DOCK10: variants seen among roughly 807,000 people sequenced by gnomAD.
The protein encoded by DOCK10 is dedicator of cytokinesis protein 10.
A neutral mutation model predicts 280.1 loss-of-function variants in DOCK10; 145 were observed. That is an observed-to-expected ratio of 0.52 (90% CI 0.45 to 0.59). The LOEUF is 0.59. Among genes scored for constraint, DOCK10 ranks in the 20% least tolerant of loss-of-function variants. The probability of loss-of-function intolerance (pLI) is 0.00; values close to 1 mark genes in which losing one functional copy is unlikely to be tolerated. For missense variants in DOCK10, 2,368 were observed against 2,651.7 expected (o/e 0.89, Z 2.35); for synonymous variants, 915 against 942.2 (o/e 0.97, Z 0.53).
chr2:224,841,782 A>G (rs1462487471), intron 23 of DOCK10, 22 bp downstream of exon 23: 4 of 1,537,554 alleles, frequency 2.6e-6, no homozygotes, highest in Non-Finnish European at 3.6e-6. Context: ...AGATCACTGA[A>G]ACTGCTTGCA....
chr2:224,937,532 T>C (rs1274030695), intron 1 of DOCK10, among the ~76,000 whole-genome samples: 1 of 152,114 alleles, frequency 6.6e-6, no homozygotes, highest in Non-Finnish European at 1.5e-5. Flanking sequence ...AATAACACTC[T>C]GAAAATTAAT....
At chr2:224,818,093 G>T (rs1694258454) in intron 29 of DOCK10, among the ~76,000 whole-genome samples, 1 of 152,170 alleles carries the variant, frequency 6.6e-6, no homozygotes. Flanking sequence ...GGAGAAAATG[G>T]CTTCAGTTGA....
chr2:224,825,779 C>T (rs1018410815), intron 27 of DOCK10, among the ~76,000 whole-genome samples: 2 of 152,144 alleles, frequency 1.3e-5, no homozygotes, highest in Non-Finnish European at 2.9e-5. Context: ...TGGAAGAATT[C>T]CTGCACTGGA....
chr2:224,947,635 C>T (rs534411161), intron 1 of DOCK10, among the ~76,000 whole-genome samples: 1 of 152,258 alleles, frequency 6.6e-6, no homozygotes, highest in African/African-American at 2.4e-5. Flanking sequence ...AGAGTTAGTT[C>T]CCTCATCTTT....
At chr2:224,865,187 T>C in intron 11 of DOCK10, 100 bp from the exon 12 acceptor site, 1 of 1,160,950 alleles carries the variant, frequency 8.6e-7, no homozygotes, top group Non-Finnish European at 1.2e-6. Flanking sequence ...ATAAAATACA[T>C]GCAGCAGGCA....
Position 224,844,555 on chromosome 2 carries a change from G to A in DOCK10, c.2568+198C>T, listed in dbSNP as rs142656590. Among the ~76,000 whole-genome samples the A allele has an allele frequency of 2.6e-3, 400 of 152,298 alleles. 1 individual carries two copies. Among genetic ancestry groups the A allele is most frequent in the African/African-American group, 9.4e-3 (389 of 41,538 alleles). ...TTTGGTCTGAAGTTTTATGGTGTCT[G>A]GGCTTAAGGGATTAGGACATTCTAT... On this transcript the variant is annotated intron_variant, in intron 22 of 55. Transcript: ENST00000258390.
rs1422161998 is a variant in DOCK10, at chr2:225,042,369, G to A, written c.6C>T (p.Ala2=). The change falls in exon 1 of 56, where the codon GCC becomes GCT. Residue 2 remains alanine, a synonymous_variant. Transcript: ENST00000258390. The surrounding 1 kb of genome is among the most constrained non-coding windows in gnomAD (Gnocchi z 5.1). ...GGGTGAACCTGCGGGTCCGCTCACC[G>A]GCCATCGCCGGTCACGCCAATCGCG... is the stretch of plus-strand genomic sequence containing the variant. The part of the protein sequence containing the change: M[A]GERTRRFTRS... 2 of 1,260,978 alleles carry A rather than the reference G, an allele frequency of 1.6e-6. No individual in the cohort carries two copies. Among genetic ancestry groups the A allele is most frequent in the Non-Finnish European group, 2.0e-6 (2 of 1,002,206 alleles). The allele number at this position is 1,260,978 out of a possible 1,614,324, so 78.1% of individuals were successfully genotyped here. A position where few individuals can be genotyped will look rare whatever the true frequency, so the allele number is the denominator to read the frequency against.
At chr2:224,948,190 C>A (rs981687782) in intron 1 of DOCK10, among the ~76,000 whole-genome samples, 1 of 152,176 alleles carries the variant, frequency 6.6e-6, no homozygotes, top group African/African-American at 2.4e-5. Context: ...ATTCACCTGT[C>A]TCTACTTTGT....
At chr2:224,872,657 T>C (rs570878320) in intron 11 of DOCK10, among the ~76,000 whole-genome samples, 4 of 152,334 alleles carry the variant, frequency 2.6e-5, no homozygotes, top group Admixed American at 6.5e-5. Flanking sequence ...GCAAGGCTAG[T>C]TTCCCTGGAT....
chr2:225,006,507 T>C (rs989319370), intron 1 of DOCK10, among the ~76,000 whole-genome samples: 1 of 152,200 alleles, frequency 6.6e-6, no homozygotes, highest in African/African-American at 2.4e-5. Flanking sequence ...TTCCTCTCAA[T>C]GCTTCCAATC....
At chr2:225,035,546 A>ATATATATATATATATATAT (rs1690205637) in intron 1 of DOCK10, among the ~76,000 whole-genome samples, 4 of 12,122 alleles carry the variant, frequency 3.3e-4, no homozygotes, top group African/African-American at 1.3e-3. Context: ...TATATATTAT[A>ATATATATATATATATATAT]TATATATATA....
At chr2:224,933,660 A>G (rs1702521804) in intron 1 of DOCK10, among the ~76,000 whole-genome samples, 1 of 152,200 alleles carries the variant, frequency 6.6e-6, no homozygotes, top group Non-Finnish European at 1.5e-5. Flanking sequence ...TATGTCTCTA[A>G]GAGTTCTTCA....
chr2:224,902,649 T>G (rs550460817), intron 3 of DOCK10, among the ~76,000 whole-genome samples: 1 of 151,964 alleles, frequency 6.6e-6, no homozygotes, highest in African/African-American at 2.4e-5. Flanking sequence ...CCAGGATGTG[T>G]GGGTCACCCA....
intron 13 of DOCK10, 49 bp from the exon 14 acceptor site, chr2:224,862,795 C>T: frequency 8.9e-7 from 1 of 1,128,158 alleles, no homozygotes; most frequent in Non-Finnish European, 1.3e-6. Context: ...ACTTTATAAA[C>T]TGTACATATA....
intron 27 of DOCK10, among the ~76,000 whole-genome samples, chr2:224,825,534 A>T (rs928763895): frequency 6.6e-6 from 1 of 151,406 alleles, no homozygotes; most frequent in Admixed American, 6.6e-5. Flanking sequence ...TTTAATTTTC[A>T]ATTTTCGTTT....
chr2:224,808,550 G>A (rs1177709733), intron 31 of DOCK10, among the ~76,000 whole-genome samples: 2 of 152,112 alleles, frequency 1.3e-5, no homozygotes, highest in Admixed American at 1.3e-4. Context: ...ACAGAATTCT[G>A]AAAGCGCAGG....
At chr2:224,882,252 A>G (rs1473190805) in intron 7 of DOCK10, among the ~76,000 whole-genome samples, 1 of 152,274 alleles carries the variant, frequency 6.6e-6, no homozygotes, top group African/African-American at 2.4e-5. Flanking sequence ...GGAACAAGAT[A>G]GGATAACACA....
chr2:224,952,312 A>G (rs1703784150), intron 1 of DOCK10, among the ~76,000 whole-genome samples: 1 of 151,742 alleles, frequency 6.6e-6, no homozygotes, highest in African/African-American at 2.4e-5. Context: ...GATGAGAAAG[A>G]CACTTGGCCT....
chr2:224,989,977 C>T (rs1575152303), intron 1 of DOCK10, among the ~76,000 whole-genome samples: 1 of 152,182 alleles, frequency 6.6e-6, no homozygotes, highest in African/African-American at 2.4e-5. Flanking sequence ...AGGCATCTTT[C>T]CCGTGTGCTG....
Sources: gnomAD v4.1 joint callset for allele counts (sites outside exome capture counted in the v4.1 genomes callset) on GRCh38, gnomAD v4.1.1 for gene constraint, Gnocchi (gnomAD v3.1) non-coding constraint, MANE v1.5 for transcripts, NCBI Gene and HGNC (gene_info 2026-07-23, HGNC 2026-07-21) for gene names.